The following NYAP2 variants were observed in gnomAD, a reference collection of about 807,000 sequenced individuals.
NYAP2 encodes the protein neuronal tyrosine-phosphorylated phosphoinositide-3-kinase adapter 2.
Under a neutral mutation model 50.4 loss-of-function variants are expected in NYAP2, and 23 were observed. The observed-to-expected ratio is 0.46, with a 90% CI of 0.33 to 0.65. The LOEUF (loss-of-function observed/expected upper bound fraction) is 0.65. NYAP2 is among the 30% of genes least tolerant of loss of function. The pLI, the probability that NYAP2 is intolerant of heterozygous loss-of-function variation, is 0.02. For missense variants in NYAP2, 885 were observed against 861.0 expected, an observed-to-expected ratio of 1.03 and a Z score of -0.35; for synonymous variants, 394 against 365.2, an observed-to-expected ratio of 1.08 and a Z score of -0.90.
At chr2:225,622,553 CTT>C (rs762567899) in intron 5 of NYAP2, among the ~76,000 whole-genome samples, 1 of 40,756 alleles carries the variant, frequency 2.5e-5, no homozygotes, top group South Asian at 8.2e-4. Flanking sequence ...TTCTTTCTTT[CTT>C]TCTTTTTCTT....
chr2:225,527,128 C>G lies in NYAP2; in HGVS notation c.523+13456C>G, dbSNP rs77639628. ...ACCCTGCCTTTTTACTGGTCTCACC[C>G]AACATCTTCCTATTAAGTTCAGCAT... On this transcript the variant is annotated intron_variant, in intron 4 of 6. Transcript: ENST00000636099. Among the ~76,000 whole-genome samples the G allele has an allele frequency of 7.8e-3, 1,182 of 152,274 alleles. 48 individuals are homozygous for G. The East Asian group carries it at 0.13, about 17-fold the overall frequency.
intron 3 of NYAP2, among the ~76,000 whole-genome samples, chr2:225,508,765 C>T (rs1690756950): frequency 6.6e-6 from 1 of 152,220 alleles, no homozygotes; most frequent in Admixed American, 6.5e-5. Context: ...CCTCATTGTG[C>T]TCATCCATTG....
At chr2:225,489,095 C>T (rs565771902) in intron 3 of NYAP2, among the ~76,000 whole-genome samples, 2 of 152,264 alleles carry the variant, frequency 1.3e-5, no homozygotes, top group South Asian at 2.1e-4. Flanking sequence ...CTCACCAGCA[C>T]GTTTTACTCC....
the NYAP2 span, among the ~76,000 whole-genome samples, chr2:225,691,361 A>G: frequency 6.6e-6 from 1 of 152,094 alleles, no homozygotes; most frequent in Non-Finnish European, 1.5e-5. Flanking sequence ...TTTGAATTTC[A>G]TGTAATTTCC....
chr2:225,519,899 G>T, intron 4 of NYAP2, among the ~76,000 whole-genome samples: 1 of 152,136 alleles, frequency 6.6e-6, no homozygotes, highest in East Asian at 1.9e-4. Flanking sequence ...CAGTGTAAAA[G>T]TGTTCCTATT....
chr2:225,540,097 AT>A (rs1291432381), intron 4 of NYAP2, among the ~76,000 whole-genome samples: 3 of 152,188 alleles, frequency 2.0e-5, no homozygotes, highest in Non-Finnish European at 4.4e-5. Flanking sequence ...TATTGTTCAT[AT>A]AATTATCAGC....
intron 5 of NYAP2, among the ~76,000 whole-genome samples, chr2:225,600,642 A>ACAGTTTCACAACCAT (rs1692677186): frequency 6.6e-6 from 1 of 152,196 alleles, no homozygotes; most frequent in Admixed American, 6.5e-5. Context: ...CTTTGCAGTA[A>ACAGTTTCACAACCAT]CAGTTTCACA....
intron 3 of NYAP2, among the ~76,000 whole-genome samples, chr2:225,428,099 G>C (rs1695312679): frequency 6.6e-6 from 1 of 152,128 alleles, no homozygotes; most frequent in African/African-American, 2.4e-5. Flanking sequence ...TTCAGTCTTT[G>C]AAAGATATCT....
chr2:225,428,741 A>G (rs1371510232), intron 3 of NYAP2, among the ~76,000 whole-genome samples: 1 of 152,210 alleles, frequency 6.6e-6, no homozygotes, highest in African/African-American at 2.4e-5. Flanking sequence ...AGCATCAGGA[A>G]ACTGGGCTTT....
Position 225,400,622 on chromosome 2 carries a change from G to A in NYAP2, c.-439G>A, listed in dbSNP as rs1694844409. On this transcript the variant is annotated 5_prime_UTR_variant, in exon 2 of 7. The change creates a new upstream start codon in the 5' untranslated region. Transcript: ENST00000636099. ...ATTGCTTCTGGTCCTGTAATCATCT[G>A]TGTAGCAAAGTGGGTAAAATCATTC... 1 of 152,114 alleles carries A rather than the reference G, an allele frequency of 6.6e-6. No homozygotes were observed. Among genetic ancestry groups the A allele is most frequent in the South Asian group, 2.1e-4 (1 of 4,828 alleles). 9.4% of individuals were successfully genotyped at this position (152,114 alleles called of 1,614,324 possible).
chr2:225,474,717 T>C lies in NYAP2; in HGVS notation c.222-38654T>C, dbSNP rs193256634. Among the ~76,000 whole-genome samples, 357 of 152,304 alleles carry C rather than the reference T, an allele frequency of 2.3e-3. 2 individuals carry two copies. The highest frequency in any genetic ancestry group is 8.1e-3 in the African/African-American group (336 of 41,562). On this transcript the variant is annotated intron_variant, in intron 3 of 6. Coordinates refer to ENST00000636099, the Ensembl canonical transcript of NYAP2. ...AGCTTAAGGAGATTTTGGGCTGAGA[T>C]GATGGGGTTTTCTAGATATACAATC... is the stretch of plus-strand genomic sequence containing the variant.
chr2:225,435,097 C>T (rs560010969), intron 3 of NYAP2, among the ~76,000 whole-genome samples: 2 of 152,186 alleles, frequency 1.3e-5, no homozygotes, highest in African/African-American at 4.8e-5. Flanking sequence ...TCCTTATTGG[C>T]CTTTTATAAA....
At chr2:225,511,327 AACACACACACACACACACACACACACAC>A (rs571887973) in intron 3 of NYAP2, among the ~76,000 whole-genome samples, 3 of 129,840 alleles carry the variant, frequency 2.3e-5, no homozygotes, top group African/African-American at 9.1e-5. Context: ...CGTTCTTTAA[AACACACACACACACACACACACACACAC>A]ACACACACAC....
chr2:225,650,360 C>G (rs934568455), intron 6 of NYAP2, among the ~76,000 whole-genome samples: 2 of 152,230 alleles, frequency 1.3e-5, no homozygotes, highest in African/African-American at 2.4e-5. Flanking sequence ...TTCTGGCTCT[C>G]TGGCACGCGT....
intron 3 of NYAP2, among the ~76,000 whole-genome samples, chr2:225,432,036 C>G (rs1297419253): frequency 2.6e-5 from 4 of 152,114 alleles, no homozygotes; most frequent in African/African-American, 9.6e-5. Context: ...GTGGCACGCT[C>G]TCGGCTCACT....
At chr2:225,695,266 T>C in the NYAP2 span, among the ~76,000 whole-genome samples, 7 of 151,842 alleles carry the variant, frequency 4.6e-5, no homozygotes, top group Non-Finnish European at 1.0e-4. Context: ...ATTTTTCAGT[T>C]GCACATACCA....
intron 2 of NYAP2, among the ~76,000 whole-genome samples, chr2:225,405,615 A>G (rs189977438): frequency 1.3e-3 from 196 of 152,120 alleles, no homozygotes; most frequent in African/African-American, 4.4e-3. Flanking sequence ...AATGAAGTAG[A>G]CAATGAACAT....
chr2:225,517,741 T>C (rs539191466), intron 4 of NYAP2, among the ~76,000 whole-genome samples: 1 of 152,188 alleles, frequency 6.6e-6, no homozygotes, highest in Admixed American at 6.5e-5. Context: ...GTATAGCACA[T>C]ATATTAAAAA....
chr2:225,581,874 A>G (rs1389660101), intron 4 of NYAP2, 67 bp from the exon 5 acceptor site: 1 of 1,461,374 alleles, frequency 6.8e-7, no homozygotes, highest in African/African-American at 1.4e-5. Flanking sequence ...GTAAACCCAC[A>G]TGCAAATCAT....
Sources: gnomAD v4.1 joint callset for allele counts (sites outside exome capture counted in the v4.1 genomes callset) on GRCh38, gnomAD v4.1.1 for gene constraint, MANE v1.5 for transcripts, NCBI Gene and HGNC (gene_info 2026-07-23, HGNC 2026-07-21) for gene names.